The following ZC3H14 variants were observed in gnomAD, a reference collection of about 807,000 sequenced individuals.
ZC3H14 encodes zinc finger CCCH-type containing 14.
ZC3H14 carries 31 observed loss-of-function variants against 92.4 expected under a neutral mutation model. The observed-to-expected ratio is 0.34, with a 90% CI of 0.25 to 0.45. The LOEUF is 0.45. Among genes scored for constraint, ZC3H14 ranks in the 20% least tolerant of loss-of-function variants. ZC3H14 has a pLI of 1.00. For missense variants in ZC3H14, 781 were observed against 897.3 expected (o/e 0.87, Z 1.66); for synonymous variants, 321 against 300.9 (o/e 1.07, Z -0.69).
At chr14:88,569,901 C>A (rs2080174231) in intron 3 of ZC3H14, among the ~76,000 whole-genome samples, 1 of 152,128 alleles carries the variant, frequency 6.6e-6, no homozygotes, top group Non-Finnish European at 1.5e-5. Flanking sequence ...CTGTGGGTGA[C>A]CCAACCCATT....
intron 16 of ZC3H14, 68 bp downstream of exon 16, chr14:88,611,008 T>A: frequency 6.8e-7 from 1 of 1,477,036 alleles, no homozygotes; most frequent in South Asian, 1.2e-5. Flanking sequence ...GTTTCTAAAT[T>A]TATAAGCACA....
chr14:88,570,696 G>C (rs1044460906), intron 3 of ZC3H14, among the ~76,000 whole-genome samples: 1 of 152,194 alleles, frequency 6.6e-6, no homozygotes, highest in African/African-American at 2.4e-5. Flanking sequence ...GCAGAGGCTA[G>C]ATGTTGAAAA....
rs558690739 is a variant in ZC3H14, at chr14:88,563,564, A to G, written c.37-87A>G. 80 of 1,589,460 alleles carry G rather than the reference A, an allele frequency of 5.0e-5. 1 individual carries two copies. The East Asian group carries it at 1.7e-3, about 34-fold the overall frequency. The stretch of plus-strand genomic sequence containing the variant: ...CCGGGGGATCCGAGGTGCGCGCACC[A>G]GCAAAGTGGCCTCAGCCGCTGCAGA... On this transcript the variant is annotated intron_variant, in intron 1 of 16. Transcript: ENST00000251038.
At position 88,619,300 on chromosome 14, in the gene ZC3H14, GGTTGTGGTGAGCT is replaced by G. The variant is rs2088395467; in HGVS notation, c.*7551_*7563del. The G allele has an allele frequency of 6.6e-6, 1 of 152,664 alleles. No homozygotes were observed. The allele number at this position is 152,664 out of a possible 1,614,324, so 9.5% of individuals were successfully genotyped here. The stretch of plus-strand genomic sequence containing the variant: ...GAATCGCTTGAACCCAGGAGGCACA[GGTTGTGGTGAGCT>G]GAGATTGCACCATTGCACTTCAGCA... On this transcript the variant is annotated 3_prime_UTR_variant, in exon 17 of 17. Coordinates refer to ENST00000251038, the MANE Select transcript of ZC3H14 (RefSeq NM_024824.5).
rs11382327 is a variant in ZC3H14, at chr14:88,622,805, C to CT, written c.*11064dup. The CT allele has an allele frequency of 0.85, 438,340 of 514,194 alleles. 182,679 individuals are homozygous for CT. The highest frequency in any genetic ancestry group is 0.92 in the Admixed American group (20,112 of 21,852). 31.9% of individuals were successfully genotyped at this position (514,194 alleles called of 1,614,324 possible). A position where few individuals can be genotyped will look rare whatever the true frequency, so the allele number is the denominator to read the frequency against. On this transcript the variant is annotated 3_prime_UTR_variant, in exon 17 of 17. Transcript: ENST00000251038. ...ACAAATACCAAGTTATAAGCAGAAT[C>CT]TTTTTTTTTTAAAAAGGCCCTGATA... is the stretch of plus-strand genomic sequence containing the variant.
rs544363970 is a variant in ZC3H14 at position 88,616,841 on chromosome 14, T to C, written c.*5090T>C. ...ACAGTTGACATCAGCTTTCTCAGCA[T>C]GTCTGGACCAGATTCCCAAAACCTC... On this transcript the variant is annotated 3_prime_UTR_variant, in exon 17 of 17. Transcript: ENST00000251038. 13 of 1,613,946 alleles carry C rather than the reference T, an allele frequency of 8.1e-6. No homozygotes were observed. The South Asian group carries it at 1.2e-4, about 15-fold the overall frequency.
chr14:88,577,247 T>G (rs997179236), intron 8 of ZC3H14, among the ~76,000 whole-genome samples: 1 of 152,312 alleles, frequency 6.6e-6, no homozygotes, highest in Non-Finnish European at 1.5e-5. Flanking sequence ...CTACATTTCA[T>G]TTCCTGATCT....
rs1278480926 is a variant in ZC3H14 at position 88,626,643 on chromosome 14, C to T, written c.*14892C>T. Reference sequence around the variant, plus strand: ...AAAAAAAAAAAAAATCCTTTTCCCCCTCTCATTAACATTCTTTTCACTCCC... The same window carrying T: ...AAAAAAAAAAAAAATCCTTTTCCCCTTCTCATTAACATTCTTTTCACTCCC... On this transcript the variant is annotated 3_prime_UTR_variant, in exon 17 of 17. Coordinates refer to ENST00000251038, the MANE Select transcript of ZC3H14 (RefSeq NM_024824.5). The T allele has an allele frequency of 3.2e-6, 2 of 624,262 alleles. No homozygotes were observed. Among genetic ancestry groups the T allele is most frequent in the Non-Finnish European group, 5.4e-6 (2 of 370,276 alleles). 38.7% of individuals were successfully genotyped at this position (624,262 alleles called of 1,614,324 possible).
At chr14:88,572,342 T>C (rs2080539700) in intron 5 of ZC3H14, 117 bp downstream of exon 5, 2 of 1,208,560 alleles carry the variant, frequency 1.7e-6, no homozygotes. Context: ...AATGAAGTGA[T>C]CGTGAGTAGT....
intron 3 of ZC3H14, among the ~76,000 whole-genome samples, chr14:88,569,126 A>G (rs2080075885): frequency 6.6e-6 from 1 of 152,150 alleles, no homozygotes; most frequent in Admixed American, 6.5e-5. Flanking sequence ...CTTGGCCTTC[A>G]GAAGTCTTGG....
At chr14:88,594,613 C>G in intron 9 of ZC3H14, 3 of 1,595,032 alleles carry the variant, frequency 1.9e-6, no homozygotes, top group Non-Finnish European at 2.6e-6. Flanking sequence ...AGGTAACAGC[C>G]TTGATCACTG....
rs1595170743 is a variant in ZC3H14 at position 88,615,478 on chromosome 14, G to T, written c.*3727G>T. 2 of 236,850 alleles carry T rather than the reference G, an allele frequency of 8.4e-6. No homozygotes were observed. Among genetic ancestry groups the T allele is most frequent in the African/African-American group, 4.5e-5 (2 of 44,802 alleles). 14.7% of individuals were successfully genotyped at this position (236,850 alleles called of 1,614,324 possible). On this transcript the variant is annotated 3_prime_UTR_variant, in exon 17 of 17. Transcript: ENST00000251038. ...AGATAATGAAAATTATCCAAATTGG[G>T]TTTTTGAGTTCTTCTGTAAAGAGTG...
chr14:88,576,478 A>G (rs2081171023), intron 8 of ZC3H14, among the ~76,000 whole-genome samples: 1 of 152,260 alleles, frequency 6.6e-6, no homozygotes, highest in Non-Finnish European at 1.5e-5. Flanking sequence ...ATGAGAGAAT[A>G]TAAAAGTATT....
chr14:88,611,145 C>CTAGAT (rs1295584563), intron 16 of ZC3H14, among the ~76,000 whole-genome samples: 1 of 152,050 alleles, frequency 6.6e-6, no homozygotes, highest in African/African-American at 2.4e-5. Context: ...CTTTTTTAAC[C>CTAGAT]TAGATTATCT....
In ZC3H14 at chr14:88,616,693, A is replaced by G; in HGVS notation, c.*4942A>G. On this transcript the variant is annotated 3_prime_UTR_variant, in exon 17 of 17. Transcript: ENST00000251038. ...ATGATAAGACATCAAAATTAGGAGTAAACTGATAATAGTAAACAAAACACA... is the reference window on the plus strand; with the variant it reads ...ATGATAAGACATCAAAATTAGGAGTGAACTGATAATAGTAAACAAAACACA... 1.9e-6 allele frequency: 3 copies of G among 1,587,166 alleles called. No individual in the cohort carries two copies. In the South Asian group the frequency reaches 3.4e-5, roughly 18 times the overall value.
chr14:88,566,581 A>G (rs2079654625), intron 2 of ZC3H14, among the ~76,000 whole-genome samples: 1 of 152,228 alleles, frequency 6.6e-6, no homozygotes, highest in Non-Finnish European at 1.5e-5. Flanking sequence ...TACTTCTGAA[A>G]TGAACCTTTC....
rs201527519 is a variant in ZC3H14 at position 88,578,093 on chromosome 14, C to T, written c.1232C>T (p.Pro411Leu). ...AGTAGGACCCCCAGAATAAGTCCCC[C>T]CATTAAAGAAGAGGAAACAAAAGGA... Reference protein sequence around the residue: ...GQSRTPRISPPIKEEETKGDS... With the variant: ...GQSRTPRISPLIKEEETKGDS... The change falls in exon 9 of 17, where the codon CCC (proline) becomes CTC (leucine). Residue 411 changes from proline (P) to leucine (L), a missense_variant. By Grantham distance (98) the Pro-to-Leu change is moderately conservative. Transcript: ENST00000251038. 43 of 1,613,664 alleles carry T rather than the reference C, an allele frequency of 2.7e-5. No individual in the cohort carries two copies. The highest frequency in any genetic ancestry group is 3.6e-5 in the Non-Finnish European group (42 of 1,179,972).
intron 9 of ZC3H14, among the ~76,000 whole-genome samples, chr14:88,581,094 G>C (rs914124302): frequency 2.6e-5 from 4 of 152,144 alleles, no homozygotes; most frequent in African/African-American, 9.7e-5. Context: ...ACAAGTAAAA[G>C]CCTGTTGTCC....
At chr14:88,611,570 A>ATTATC (rs1566991807) in intron 16 of ZC3H14, among the ~76,000 whole-genome samples, 175 bp from the exon 17 acceptor site, 3 of 152,176 alleles carry the variant, frequency 2.0e-5, no homozygotes, top group African/African-American at 7.2e-5. Flanking sequence ...TACATATGGT[A>ATTATC]TTATCTTTTA....
Sources: gnomAD v4.1 joint callset for allele counts (sites outside exome capture counted in the v4.1 genomes callset) on GRCh38, gnomAD v4.1.1 for gene constraint, MANE v1.5 for transcripts, NCBI Gene and HGNC (gene_info 2026-07-23, HGNC 2026-07-21) for gene names.